The following PLOD2 variants were observed in gnomAD, a reference collection of about 807,000 sequenced individuals.
PLOD2 encodes the protein procollagen-lysine,2-oxoglutarate 5-dioxygenase 2.
PLOD2 carries 65 observed loss-of-function variants against 101.0 expected under a neutral mutation model. The observed-to-expected ratio is 0.64, with a 90% CI of 0.53 to 0.79. PLOD2 has a LOEUF of 0.79. Among genes scored for constraint, PLOD2 ranks in the 30% least tolerant of loss-of-function variants. The pLI is 0.00. For synonymous variants in PLOD2, 314 were observed against 302.9 expected, an observed-to-expected ratio of 1.04 and a Z score of -0.38; for missense variants, 909 against 914.6, an observed-to-expected ratio of 0.99 and a Z score of 0.08.
chr3:146,127,726 G>A (rs1409933391), intron 1 of PLOD2, among the ~76,000 whole-genome samples: 6 of 151,994 alleles, frequency 3.9e-5, no homozygotes, highest in African/African-American at 1.2e-4. Context: ...CTTCTCAAAC[G>A]AAGAAATACG....
chr3:146,080,794 G>A (rs965966698), intron 12 of PLOD2, among the ~76,000 whole-genome samples: 4 of 152,034 alleles, frequency 2.6e-5, no homozygotes, highest in East Asian at 1.9e-4. Context: ...AACAGAATAC[G>A]ATCTTAATAG....
At chr3:146,094,506 A>G (rs1413658451) in intron 7 of PLOD2, among the ~76,000 whole-genome samples, 1 of 152,176 alleles carries the variant, frequency 6.6e-6, no homozygotes, top group African/African-American at 2.4e-5. Flanking sequence ...AAAATAAAAT[A>G]CCTAGGAATA....
At chr3:146,130,480 C>A (rs1450222962) in intron 1 of PLOD2, among the ~76,000 whole-genome samples, 2 of 152,176 alleles carry the variant, frequency 1.3e-5, no homozygotes, top group Admixed American at 1.3e-4. Flanking sequence ...AGAGAACATT[C>A]TTTTGCTCAC....
intron 1 of PLOD2, among the ~76,000 whole-genome samples, chr3:146,158,776 G>T (rs1288588142): frequency 6.6e-6 from 1 of 151,848 alleles, no homozygotes; most frequent in Non-Finnish European, 1.5e-5. Context: ...TCAAAGCAAA[G>T]AAGTGTCTGG....
chr3:146,107,831 A>T (rs555826483), intron 4 of PLOD2, among the ~76,000 whole-genome samples: 1 of 151,758 alleles, frequency 6.6e-6, no homozygotes, highest in South Asian at 2.1e-4. Context: ...TTTAGTAGAG[A>T]TGGGGTTTCG....
Position 146,124,121 on chromosome 3 carries a change from T to C in PLOD2, c.201+17A>G. On this transcript the variant is annotated intron_variant, in intron 2 of 19. Transcript: ENST00000282903. ...CACACATTATAGGATCTTCATAGGT[T>C]AAAGGATATACCATACCTTCACAGT... The C allele has an allele frequency of 7.7e-7, 1 of 1,300,580 alleles. No homozygotes were observed. 80.6% of individuals were successfully genotyped at this position (1,300,580 alleles called of 1,614,324 possible). A position where few individuals can be genotyped will look rare whatever the true frequency, so the allele number is the denominator to read the frequency against.
chr3:146,132,810 T>G (rs564688941), intron 1 of PLOD2, among the ~76,000 whole-genome samples: 56 of 152,192 alleles, frequency 3.7e-4, no homozygotes, highest in African/African-American at 1.3e-3. Context: ...CAGATTATAC[T>G]GCAAAAAAAA....
intron 1 of PLOD2, among the ~76,000 whole-genome samples, chr3:146,141,183 T>C (rs2108124928): frequency 6.6e-6 from 1 of 152,168 alleles, no homozygotes. Context: ...ATGTTTAGAT[T>C]AATTACAACC....
chr3:146,110,892 T>C (rs1247501250), intron 3 of PLOD2, among the ~76,000 whole-genome samples: 1 of 152,158 alleles, frequency 6.6e-6, no homozygotes, highest in Non-Finnish European at 1.5e-5. Flanking sequence ...CAAAATGTGT[T>C]TAACTGCTAA....
Position 146,106,646 on chromosome 3 carries a change from T to G in PLOD2, c.503-2A>C. On this transcript the variant is annotated splice_acceptor_variant, in intron 4 of 19. Transcript: ENST00000282903. LOFTEE classifies it high-confidence loss of function. ...CATATGGAGCATAGCCAATAAATCC[T>G]GCAACACAGCAGAGAGAAAGTAGAT... 1 of 1,387,172 alleles carries G rather than the reference T, an allele frequency of 7.2e-7. No homozygotes were observed. Among genetic ancestry groups the G allele is most frequent in the Non-Finnish European group, 1.0e-6 (1 of 973,282 alleles). 85.9% of individuals were successfully genotyped at this position (1,387,172 alleles called of 1,614,324 possible).
Position 146,071,412 on chromosome 3 carries a change from T to C in PLOD2, c.1860A>G (p.Ile620Met). 1 of 1,611,714 alleles carries C rather than the reference T, an allele frequency of 6.2e-7. No homozygotes were observed. Among genetic ancestry groups the C allele is most frequent in the Non-Finnish European group, 8.5e-7 (1 of 1,178,330 alleles). Reference protein sequence around the residue: ...WSGGKHHDSRISGGYENVPTD... With the variant: ...WSGGKHHDSRMSGGYENVPTD... ...TTGGGACATTTTCATAACCACCAGATATACGGCTATCCTAGAAACAACATT... is the reference window on the plus strand; with the variant it reads ...TTGGGACATTTTCATAACCACCAGACATACGGCTATCCTAGAAACAACATT... The change falls in exon 18 of 20, where the codon ATA becomes ATG. Residue 620 changes from isoleucine (I) to methionine (M), a missense_variant. Coordinates refer to ENST00000282903, the MANE Select transcript of PLOD2 (RefSeq NM_182943.3).
intron 1 of PLOD2, among the ~76,000 whole-genome samples, chr3:146,136,518 C>T (rs1472007129): frequency 6.6e-6 from 1 of 152,092 alleles, no homozygotes; most frequent in Non-Finnish European, 1.5e-5. Context: ...AGACTTGGGT[C>T]CCATCCCCAA....
intron 3 of PLOD2, among the ~76,000 whole-genome samples, chr3:146,112,027 G>C (rs772049915): frequency 6.6e-6 from 1 of 152,142 alleles, no homozygotes; most frequent in Non-Finnish European, 1.5e-5. Flanking sequence ...AGCATCTTAC[G>C]ATTGGAGACT....
In PLOD2 at chr3:146,081,859, T is replaced by A. The variant is rs1936552131; in HGVS notation, c.1237A>T (p.Ile413Phe). The change falls in exon 12 of 20, where the codon ATC becomes TTC. Residue 413 changes from isoleucine (I) to phenylalanine (F), a missense_variant. By Grantham distance (21) the Ile-to-Phe change is conservative. Transcript: ENST00000282903. ...LKILIEQNRK[I>F]IAPLVTRHGK... The stretch of plus-strand genomic sequence containing the variant: ...TGACGAGTTACAAGAGGAGCAATGA[T>A]CTTTCTAAAGACAGAGAGAGTGTGT... The A allele has an allele frequency of 1.2e-6, 2 of 1,612,306 alleles. No homozygotes were observed. Among genetic ancestry groups the A allele is most frequent in the Non-Finnish European group, 1.7e-6 (2 of 1,178,714 alleles).
At chr3:146,127,672 T>C (rs1285702405) in intron 1 of PLOD2, among the ~76,000 whole-genome samples, 1 of 152,120 alleles carries the variant, frequency 6.6e-6, no homozygotes, top group Admixed American at 6.6e-5. Flanking sequence ...AATGACTTCT[T>C]TCCCTTTGAG....
At chr3:146,127,700 G>T (rs1456799958) in intron 1 of PLOD2, among the ~76,000 whole-genome samples, 1 of 151,996 alleles carries the variant, frequency 6.6e-6, no homozygotes, top group South Asian at 2.1e-4. Flanking sequence ...CCAGTACTGC[G>T]ATGGCTGAAG....
At chr3:146,127,173 T>C (rs2030616620) in intron 1 of PLOD2, among the ~76,000 whole-genome samples, 1 of 152,184 alleles carries the variant, frequency 6.6e-6, no homozygotes, top group South Asian at 2.1e-4. Context: ...TTTTATTATT[T>C]ATTTAAATTT....
In PLOD2 at chr3:146,106,655, G is replaced by A. The variant is rs1310842408; in HGVS notation, c.503-11C>T. On this transcript the variant is annotated splice_polypyrimidine_tract_variant and intron_variant, in intron 4 of 19. Coordinates refer to ENST00000282903, the MANE Select transcript of PLOD2 (RefSeq NM_182943.3). ...CATAGCCAATAAATCCTGCAACACA[G>A]CAGAGAGAAAGTAGATAATTTAGGA... The A allele has an allele frequency of 7.7e-7, 1 of 1,295,388 alleles. No individual in the cohort carries two copies. The highest frequency in any genetic ancestry group is 2.3e-5 in the East Asian group (1 of 43,406). 80.2% of individuals were successfully genotyped at this position (1,295,388 alleles called of 1,614,324 possible).
At chr3:146,130,180 A>G (rs2030826905) in intron 1 of PLOD2, among the ~76,000 whole-genome samples, 1 of 152,166 alleles carries the variant, frequency 6.6e-6, no homozygotes, top group Admixed American at 6.5e-5. Flanking sequence ...TTCAAAGAGA[A>G]GAGCCTTTTC....
Sources: allele counts gnomAD v4.1 joint callset (sites outside exome capture counted in the v4.1 genomes callset), GRCh38; gene constraint gnomAD v4.1.1; transcripts MANE v1.5; gene names NCBI Gene and HGNC (gene_info 2026-07-23, HGNC 2026-07-21).